Variants in THSD7B observed in about 807,000 individuals in gnomAD.
THSD7B encodes thrombospondin type 1 domain containing 7B, also known as thrombospondin type-1 domain-containing protein 7B.
A neutral mutation model predicts 213.6 loss-of-function variants in THSD7B; 138 were observed. The ratio of observed to expected loss-of-function variants is 0.65; its 90% CI spans 0.56 to 0.74. The LOEUF (loss-of-function observed/expected upper bound fraction) is 0.74. Among genes scored for constraint, THSD7B ranks in the 30% least tolerant of loss-of-function variants. The probability of loss-of-function intolerance (pLI) is 0.00; values close to 1 mark genes in which losing one functional copy is unlikely to be tolerated. For missense variants in THSD7B, 1,931 were observed against 1,991.5 expected (o/e 0.97, Z 0.58); for synonymous variants, 742 against 687.0 (o/e 1.08, Z -1.25).
chr2:137,444,774 A>C (rs1687492300), intron 14 of THSD7B, among the ~76,000 whole-genome samples: 1 of 151,952 alleles, frequency 6.6e-6, no homozygotes, highest in Non-Finnish European at 1.5e-5. Flanking sequence ...AAATGGGATC[A>C]CATCCAGCTA....
intron 14 of THSD7B, among the ~76,000 whole-genome samples, chr2:137,414,445 A>T (rs1686747605): frequency 6.6e-6 from 1 of 152,074 alleles, no homozygotes; most frequent in Non-Finnish European, 1.5e-5. Context: ...GGGGTATGGC[A>T]CTGTGGCTCA....
At chr2:137,502,839 G>T (rs1055817749) in intron 15 of THSD7B, among the ~76,000 whole-genome samples, 1 of 151,962 alleles carries the variant, frequency 6.6e-6, no homozygotes, top group African/African-American at 2.4e-5. Flanking sequence ...TTATTTTCAG[G>T]TTGATGAATT....
intron 15 of THSD7B, among the ~76,000 whole-genome samples, chr2:137,535,419 C>G (rs142514892): frequency 6.6e-6 from 1 of 151,768 alleles, no homozygotes; most frequent in Non-Finnish European, 1.5e-5. Flanking sequence ...AAATGGAATT[C>G]GAACACCTAT....
At chr2:137,561,150 T>C (rs1476213901) in intron 15 of THSD7B, among the ~76,000 whole-genome samples, 2 of 152,198 alleles carry the variant, frequency 1.3e-5, no homozygotes, top group Non-Finnish European at 2.9e-5. Context: ...TGTCTTCCAA[T>C]AGCTTGACAT....
At chr2:137,250,259 T>C (rs1682143318) in intron 10 of THSD7B, among the ~76,000 whole-genome samples, 1 of 152,208 alleles carries the variant, frequency 6.6e-6, no homozygotes, top group Admixed American at 6.5e-5. Flanking sequence ...TTATTTTAAT[T>C]TGACAAATAA....
intron 12 of THSD7B, among the ~76,000 whole-genome samples, chr2:137,297,295 A>C (rs1306292064): frequency 6.6e-6 from 1 of 151,182 alleles, no homozygotes; most frequent in Non-Finnish European, 1.5e-5. Context: ...AAAAAAAAGA[A>C]AGAAAAGGAA....
intron 15 of THSD7B, among the ~76,000 whole-genome samples, chr2:137,549,952 A>G (rs377093549): frequency 1.3e-5 from 2 of 152,050 alleles, no homozygotes; most frequent in African/African-American, 4.8e-5. Context: ...TGATAACTAC[A>G]ATCTGTTCTA....
At chr2:137,587,734 C>T (rs1476228204) in intron 17 of THSD7B, among the ~76,000 whole-genome samples, 1 of 152,212 alleles carries the variant, frequency 6.6e-6, no homozygotes, top group East Asian at 1.9e-4. Flanking sequence ...TGTGAGGTGT[C>T]AATCTGCCCC....
chr2:136,894,510 T>TGA (rs1683919222), intron 2 of THSD7B, among the ~76,000 whole-genome samples: 1 of 152,136 alleles, frequency 6.6e-6, no homozygotes, highest in South Asian at 2.1e-4. Flanking sequence ...CGGGAATGAA[T>TGA]GAGAAGCATG....
At chr2:136,805,504 C>CAGTGTT (rs1313518231) in intron 1 of THSD7B, among the ~76,000 whole-genome samples, 1 of 152,200 alleles carries the variant, frequency 6.6e-6, no homozygotes, top group African/African-American at 2.4e-5. Flanking sequence ...CAGTGAGAGT[C>CAGTGTT]AGTGTTAGCT....
At chr2:136,850,644 A>G (rs552136554) in intron 1 of THSD7B, among the ~76,000 whole-genome samples, 25 of 152,110 alleles carry the variant, frequency 1.6e-4, no homozygotes, top group African/African-American at 5.8e-4. Context: ...CTAATTACTA[A>G]TGATATGGGA....
At chr2:137,522,845 ACT>A (rs892962066) in intron 15 of THSD7B, among the ~76,000 whole-genome samples, 2 of 152,114 alleles carry the variant, frequency 1.3e-5, no homozygotes, top group African/African-American at 2.4e-5. Context: ...TGCATTGAAG[ACT>A]CTGCCAGTTA....
chr2:137,554,399 C>T (rs957934417), intron 15 of THSD7B, among the ~76,000 whole-genome samples: 1 of 152,116 alleles, frequency 6.6e-6, no homozygotes, highest in African/African-American at 2.4e-5. Flanking sequence ...GCTGACAGTT[C>T]AAGTGTAACT....
chr2:136,850,204 C>T (rs540583471), intron 1 of THSD7B, among the ~76,000 whole-genome samples: 1 of 152,018 alleles, frequency 6.6e-6, no homozygotes, highest in Admixed American at 6.6e-5. Context: ...TCAATAAATA[C>T]AATGTTAGTT....
chr2:136,845,746 T>A (rs988961012), intron 1 of THSD7B, among the ~76,000 whole-genome samples: 1 of 152,188 alleles, frequency 6.6e-6, no homozygotes, highest in Admixed American at 6.5e-5. Flanking sequence ...TAAGGCAAGA[T>A]GTGCTTGTTT....
chr2:137,564,268 T>C (rs970008054), intron 16 of THSD7B, among the ~76,000 whole-genome samples: 1 of 152,204 alleles, frequency 6.6e-6, no homozygotes, highest in African/African-American at 2.4e-5. Context: ...TTGATTGTTA[T>C]TCAACATCTG....
chr2:137,112,384 G>A (rs1322601208), intron 4 of THSD7B, among the ~76,000 whole-genome samples: 1 of 151,590 alleles, frequency 6.6e-6, no homozygotes, highest in Admixed American at 6.6e-5. Flanking sequence ...TAGCAATAGT[G>A]ATAAATGTCT....
intron 1 of THSD7B, among the ~76,000 whole-genome samples, chr2:136,779,062 T>G (rs1037115161): frequency 7.9e-5 from 12 of 152,374 alleles, no homozygotes; most frequent in Admixed American, 4.6e-4. Flanking sequence ...GCATTAAGTT[T>G]ATAATATATT....
intron 1 of THSD7B, among the ~76,000 whole-genome samples, chr2:136,776,558 A>G (rs1005654219): frequency 4.5e-4 from 68 of 152,172 alleles, no homozygotes; most frequent in African/African-American, 1.6e-3. Context: ...TAAGATAAAC[A>G]ATTTTGTCCT....
Sources: gnomAD v4.1 joint callset for allele counts (sites outside exome capture counted in the v4.1 genomes callset) on GRCh38, gnomAD v4.1.1 for gene constraint, MANE v1.5 for transcripts, NCBI Gene and HGNC (gene_info 2026-07-23, HGNC 2026-07-21) for gene names.